The following LINGO2 variants were observed in gnomAD, a reference collection of about 807,000 sequenced individuals.
LINGO2 encodes leucine rich repeat and Ig domain containing 2.
In LINGO2, 14 loss-of-function variants were observed where a neutral mutation model predicts 30.6. The ratio of observed to expected loss-of-function variants is 0.46; its 90% CI spans 0.30 to 0.72. LINGO2 has a LOEUF of 0.72. Among genes scored for constraint, LINGO2 ranks in the 30% least tolerant of loss-of-function variants. The pLI, the probability that LINGO2 is intolerant of heterozygous loss-of-function variation, is 0.07. For missense variants in LINGO2, 729 were observed against 751.7 expected, an observed-to-expected ratio of 0.97 and a Z score of 0.35; for synonymous variants, 317 against 288.5, an observed-to-expected ratio of 1.10 and a Z score of -1.00.
chr9:28,853,883 C>A, the LINGO2 span, among the ~76,000 whole-genome samples: 1 of 151,520 alleles, frequency 6.6e-6, no homozygotes, highest in Non-Finnish European at 1.5e-5. Context: ...TGACACAGAG[C>A]GAAAACTGTA....
At chr9:28,954,023 G>A in the LINGO2 span, among the ~76,000 whole-genome samples, 6 of 152,098 alleles carry the variant, frequency 3.9e-5, no homozygotes, top group South Asian at 4.2e-4. Context: ...AATCTTATCC[G>A]AATAATTTTA....
At chr9:28,701,768 T>C in the LINGO2 span, among the ~76,000 whole-genome samples, 1 of 152,012 alleles carries the variant, frequency 6.6e-6, no homozygotes, top group Non-Finnish European at 1.5e-5. Context: ...ATCCTATTCG[T>C]AAAAACAGAC....
At chr9:28,088,203 TACACACACAC>T (rs56044203) in intron 4 of LINGO2, among the ~76,000 whole-genome samples, 9,378 of 148,544 alleles carry the variant, frequency 0.063, 448 homozygotes, top group African/African-American at 0.13. Context: ...TATATAATTA[TACACACACAC>T]ACACACACAC....
At chr9:27,967,214 T>TAA (rs1820143764) in intron 5 of LINGO2, among the ~76,000 whole-genome samples, 1 of 152,192 alleles carries the variant, frequency 6.6e-6, no homozygotes, top group African/African-American at 2.4e-5. Context: ...CTCAGTGGCT[T>TAA]AAAACAATAG....
chr9:28,693,919 A>C, the LINGO2 span, among the ~76,000 whole-genome samples: 1 of 152,020 alleles, frequency 6.6e-6, no homozygotes, highest in East Asian at 1.9e-4. Flanking sequence ...TACATATGCT[A>C]TTAGAAGGTG....
At chr9:28,617,077 G>C (rs941640255) in intron 1 of LINGO2, among the ~76,000 whole-genome samples, 19 of 151,566 alleles carry the variant, frequency 1.3e-4, no homozygotes, top group Middle Eastern at 6.5e-3. Flanking sequence ...AATTAGCCTT[G>C]GCATGAATAT....
At chr9:28,386,473 T>C (rs917474597) in intron 2 of LINGO2, among the ~76,000 whole-genome samples, 1 of 152,198 alleles carries the variant, frequency 6.6e-6, no homozygotes. Context: ...GATTAGAGAA[T>C]ATATAATTCA....
intron 4 of LINGO2, among the ~76,000 whole-genome samples, chr9:28,267,090 C>T (rs976017004): frequency 6.6e-6 from 1 of 151,880 alleles, no homozygotes; most frequent in Admixed American, 6.6e-5. Context: ...TTGTGTAGGC[C>T]GAGGAGGATG....
intron 1 of LINGO2, among the ~76,000 whole-genome samples, chr9:28,547,157 C>T (rs1432377477): frequency 2.0e-5 from 3 of 152,094 alleles, no homozygotes; most frequent in Non-Finnish European, 4.4e-5. Context: ...TCTGAAGTTA[C>T]GTTGTTTACC....
intron 1 of LINGO2, among the ~76,000 whole-genome samples, chr9:28,618,082 C>CAAG (rs1826221954): frequency 6.6e-6 from 1 of 152,082 alleles, no homozygotes; most frequent in Admixed American, 6.6e-5. Flanking sequence ...CGCAGGAGCT[C>CAAG]AAGAGCTCAG....
At chr9:28,374,075 G>A (rs978380060) in intron 2 of LINGO2, among the ~76,000 whole-genome samples, 2 of 151,984 alleles carry the variant, frequency 1.3e-5, no homozygotes, top group African/African-American at 4.8e-5. Flanking sequence ...CATGAGGTAA[G>A]TAATAGTATT....
At chr9:28,668,527 T>C (rs1828889326) in intron 1 of LINGO2, among the ~76,000 whole-genome samples, 1 of 151,932 alleles carries the variant, frequency 6.6e-6, no homozygotes, top group African/African-American at 2.4e-5. Flanking sequence ...AGATTAATAA[T>C]GTGTTTCACT....
intron 4 of LINGO2, among the ~76,000 whole-genome samples, chr9:28,243,131 TTAAATG>T: frequency 6.6e-6 from 1 of 151,992 alleles, no homozygotes; most frequent in East Asian, 1.9e-4. Flanking sequence ...AATATTAACC[TTAAATG>T]TAAATGGTCT....
intron 2 of LINGO2, among the ~76,000 whole-genome samples, chr9:28,460,983 C>T (rs1347828377): frequency 6.6e-6 from 1 of 152,102 alleles, no homozygotes; most frequent in Non-Finnish European, 1.5e-5. Context: ...AGTGTAGAAA[C>T]AACTAGAGAG....
At chr9:29,105,352 T>G in the LINGO2 span, among the ~76,000 whole-genome samples, 1 of 152,188 alleles carries the variant, frequency 6.6e-6, no homozygotes, top group Non-Finnish European at 1.5e-5. Flanking sequence ...TAGAAATGCT[T>G]ACAGAAGGTT....
At chr9:28,408,917 A>G (rs898561327) in intron 2 of LINGO2, among the ~76,000 whole-genome samples, 2 of 152,104 alleles carry the variant, frequency 1.3e-5, no homozygotes, top group African/African-American at 2.4e-5. Context: ...ACAGTGGTTT[A>G]TGAACTTCTA....
At chr9:28,745,654 T>C in the LINGO2 span, among the ~76,000 whole-genome samples, 156 of 152,194 alleles carry the variant, frequency 1.0e-3, 2 homozygotes, top group African/African-American at 3.5e-3. Flanking sequence ...GATTGATATG[T>C]GCCATGGACT....
At chr9:29,195,308 T>A in the LINGO2 span, among the ~76,000 whole-genome samples, 10 of 152,000 alleles carry the variant, frequency 6.6e-5, no homozygotes, top group Admixed American at 2.6e-4. Context: ...CCTTATTTTT[T>A]GTTATCATAA....
chr9:28,675,546 AATTAAT>A, the LINGO2 span, among the ~76,000 whole-genome samples: 9 of 152,082 alleles, frequency 5.9e-5, no homozygotes, highest in East Asian at 3.8e-4. Context: ...AAGTTTATAA[AATTAAT>A]ATTAAGTTTT....
Sources: gnomAD v4.1 joint callset for allele counts (sites outside exome capture counted in the v4.1 genomes callset) on GRCh38, gnomAD v4.1.1 for gene constraint, MANE v1.5 for transcripts, NCBI Gene and HGNC (gene_info 2026-07-23, HGNC 2026-07-21) for gene names.